The following AKAP19 variants were observed in gnomAD, a reference collection of about 807,000 sequenced individuals.
The protein encoded by AKAP19 is small A-kinase anchoring protein.
At chr2:189,896,197 CAT>C in the AKAP19 span, among the ~76,000 whole-genome samples, 1 of 151,896 alleles carries the variant, frequency 6.6e-6, no homozygotes, top group African/African-American at 2.4e-5. Context: ...AATTTTAAAG[CAT>C]ATATATTTTT....
At chr2:189,984,535 A>G in the AKAP19 span, among the ~76,000 whole-genome samples, 1 of 152,170 alleles carries the variant, frequency 6.6e-6, no homozygotes, top group Non-Finnish European at 1.5e-5. Context: ...ATGCTGTACA[A>G]TTTGTGCAGT....
the AKAP19 span, among the ~76,000 whole-genome samples, chr2:190,169,420 A>G: frequency 2.0e-5 from 3 of 152,342 alleles, no homozygotes; most frequent in Non-Finnish European, 2.9e-5. Context: ...GTGAGGGACT[A>G]TCTCACTAAG....
At chr2:190,193,110 A>G in the AKAP19 span, among the ~76,000 whole-genome samples, 5 of 152,074 alleles carry the variant, frequency 3.3e-5, no homozygotes, top group Admixed American at 1.3e-4. Flanking sequence ...GTCTTTCACC[A>G]CTAACATTAC....
the AKAP19 span, among the ~76,000 whole-genome samples, chr2:190,171,205 C>T: frequency 1.3e-5 from 2 of 148,448 alleles, no homozygotes; most frequent in Non-Finnish European, 3.0e-5. Context: ...TTCTTTATTA[C>T]AAAATGCAAG....
chr2:190,128,996 A>G, the AKAP19 span, among the ~76,000 whole-genome samples: 3 of 152,194 alleles, frequency 2.0e-5, no homozygotes, highest in Non-Finnish European at 4.4e-5. Context: ...TGACGTAAGC[A>G]TATATGTGTA....
the AKAP19 span, among the ~76,000 whole-genome samples, chr2:189,912,948 C>T: frequency 5.3e-4 from 80 of 152,112 alleles, no homozygotes; most frequent in South Asian, 2.3e-3. Flanking sequence ...GACACTGTAC[C>T]GCAAAGCTGT....
the AKAP19 span, among the ~76,000 whole-genome samples, chr2:190,026,709 T>C: frequency 6.6e-6 from 1 of 152,224 alleles, no homozygotes; most frequent in African/African-American, 2.4e-5. Flanking sequence ...CATTTTCAAG[T>C]TACTACTCCC....
chr2:190,038,739 C>G, the AKAP19 span, among the ~76,000 whole-genome samples: 1 of 152,118 alleles, frequency 6.6e-6, no homozygotes, highest in Non-Finnish European at 1.5e-5. Context: ...GGAAACAAGC[C>G]TTAGCCCCGT....
At chr2:190,160,773 A>G in the AKAP19 span, among the ~76,000 whole-genome samples, 2 of 152,170 alleles carry the variant, frequency 1.3e-5, no homozygotes, top group African/African-American at 4.8e-5. Context: ...AAAGGATTTC[A>G]GTATGAGGGA....
the AKAP19 span, among the ~76,000 whole-genome samples, chr2:190,063,756 C>T: frequency 6.6e-6 from 1 of 152,064 alleles, no homozygotes; most frequent in Non-Finnish European, 1.5e-5. Flanking sequence ...AGGGCAGACA[C>T]CTGGCAGGGA....
At chr2:189,996,522 A>C in the AKAP19 span, among the ~76,000 whole-genome samples, 1 of 151,942 alleles carries the variant, frequency 6.6e-6, no homozygotes, top group African/African-American at 2.4e-5. Context: ...AATTTACTTA[A>C]GTTGTTTTTC....
At chr2:190,061,431 C>CCTCCCTCT in the AKAP19 span, among the ~76,000 whole-genome samples, 1 of 151,232 alleles carries the variant, frequency 6.6e-6, no homozygotes, top group East Asian at 2.0e-4. Context: ...AGGTAAAAGC[C>CCTCCCTCT]CTCCCTCTCA....
chr2:189,891,327 G>A, the AKAP19 span, among the ~76,000 whole-genome samples: 1 of 145,892 alleles, frequency 6.9e-6, no homozygotes, highest in Admixed American at 7.0e-5. Flanking sequence ...GGGTTCAAGC[G>A]ATTCCCCTGC....
chr2:189,898,478 G>T, the AKAP19 span, among the ~76,000 whole-genome samples: 4 of 151,986 alleles, frequency 2.6e-5, no homozygotes, highest in South Asian at 2.1e-4. Context: ...CACATTATTT[G>T]TACTGCATTT....
the AKAP19 span, among the ~76,000 whole-genome samples, chr2:189,894,959 A>G: frequency 2.0e-5 from 3 of 151,954 alleles, no homozygotes; most frequent in Non-Finnish European, 4.4e-5. Flanking sequence ...AATATTGAGT[A>G]TTAAACATTA....
the AKAP19 span, among the ~76,000 whole-genome samples, chr2:190,106,594 T>C: frequency 6.6e-6 from 1 of 152,168 alleles, no homozygotes; most frequent in Non-Finnish European, 1.5e-5. Flanking sequence ...TTCTAGATTA[T>C]TCTGAATTTG....
the AKAP19 span, among the ~76,000 whole-genome samples, chr2:189,918,726 T>C: frequency 6.6e-6 from 1 of 152,198 alleles, no homozygotes; most frequent in Non-Finnish European, 1.5e-5. Flanking sequence ...AGCAGCACTA[T>C]TCACAATGGC....
chr2:189,976,132 A>G, the AKAP19 span, among the ~76,000 whole-genome samples: 1 of 152,010 alleles, frequency 6.6e-6, no homozygotes, highest in Non-Finnish European at 1.5e-5. Flanking sequence ...GTTTTTGATG[A>G]TGGTGACGTA....
chr2:189,970,489 T>A, the AKAP19 span, among the ~76,000 whole-genome samples: 1 of 152,222 alleles, frequency 6.6e-6, no homozygotes, highest in East Asian at 1.9e-4. Context: ...TCACAATGTA[T>A]GTATTCTTCC....
Sources: gnomAD v4.1 joint callset for allele counts (sites outside exome capture counted in the v4.1 genomes callset) on GRCh38, gnomAD v4.1.1 for gene constraint, MANE v1.5 for transcripts, NCBI Gene and HGNC (gene_info 2026-07-23, HGNC 2026-07-21) for gene names.